TENM2: variants seen among roughly 807,000 people sequenced by gnomAD.
TENM2 encodes the protein teneurin-2.
Under a neutral mutation model 245.2 loss-of-function variants are expected in TENM2, and 52 were observed. The observed-to-expected ratio is 0.21, with a 90% CI of 0.17 to 0.27. The LOEUF (loss-of-function observed/expected upper bound fraction) is 0.27, where lower values mean the gene tolerates loss of function less well. Ranked by LOEUF, TENM2 falls within the 10% of genes least tolerant of loss-of-function variation. The pLI is 1.00. For synonymous variants in TENM2, 1,363 were observed against 1,438.9 expected, an observed-to-expected ratio of 0.95 and a Z score of 1.19; for missense variants, 3,046 against 3,666.8, an observed-to-expected ratio of 0.83 and a Z score of 4.37.
chr5:167,159,302 A>G, the TENM2 span, among the ~76,000 whole-genome samples: 2 of 152,036 alleles, frequency 1.3e-5, no homozygotes, highest in African/African-American at 2.4e-5. Flanking sequence ...TTTTATTTCC[A>G]TGCAATTTAT....
the TENM2 span, among the ~76,000 whole-genome samples, chr5:167,070,155 T>G: frequency 6.8e-6 from 1 of 146,170 alleles, no homozygotes; most frequent in Non-Finnish European, 1.5e-5. Flanking sequence ...TCTCACTCTG[T>G]CGCCCAGGCT....
At chr5:167,870,705 T>A (rs1005004982) in intron 2 of TENM2, among the ~76,000 whole-genome samples, 5 of 136,388 alleles carry the variant, frequency 3.7e-5, no homozygotes, top group Middle Eastern at 3.8e-3. Context: ...TAAAGCAAGA[T>A]CTATATATAT....
intron 5 of TENM2, among the ~76,000 whole-genome samples, chr5:168,027,512 G>A (rs543153384): frequency 1.3e-5 from 2 of 152,310 alleles, no homozygotes; most frequent in African/African-American, 4.8e-5. Context: ...ACTGCCTTTT[G>A]TGTATCCCAA....
chr5:167,151,168 T>C, the TENM2 span, among the ~76,000 whole-genome samples: 1 of 152,208 alleles, frequency 6.6e-6, no homozygotes, highest in Admixed American at 6.5e-5. Flanking sequence ...GACAGACTAA[T>C]AAAGGGGATC....
intron 2 of TENM2, among the ~76,000 whole-genome samples, chr5:167,407,702 A>G (rs1762709039): frequency 6.6e-6 from 1 of 152,118 alleles, no homozygotes; most frequent in Non-Finnish European, 1.5e-5. Flanking sequence ...CTGTAATCTC[A>G]GCTACTCTGG....
intron 5 of TENM2, among the ~76,000 whole-genome samples, chr5:168,019,389 G>A (rs990215498): frequency 6.6e-6 from 1 of 152,162 alleles, no homozygotes; most frequent in Non-Finnish European, 1.5e-5. Flanking sequence ...AGCCAAGGAG[G>A]CCATTCCAAA....
At chr5:167,105,116 G>A in the TENM2 span, among the ~76,000 whole-genome samples, 3 of 152,102 alleles carry the variant, frequency 2.0e-5, no homozygotes, top group Non-Finnish European at 4.4e-5. Context: ...TAGATAAAAT[G>A]CATTTAATTA....
At chr5:167,346,918 G>A (rs1289967589) in intron 1 of TENM2, among the ~76,000 whole-genome samples, 1 of 152,176 alleles carries the variant, frequency 6.6e-6, no homozygotes, top group South Asian at 2.1e-4. Flanking sequence ...GGAACTACAG[G>A]TGTACGCCTC....
chr5:168,196,133 G>A (rs919164976), intron 15 of TENM2, among the ~76,000 whole-genome samples: 1 of 152,094 alleles, frequency 6.6e-6, no homozygotes, highest in Non-Finnish European at 1.5e-5. Flanking sequence ...GAAAATCTTG[G>A]ATGTATCACA....
chr5:167,265,331 CAAA>C, the TENM2 span, among the ~76,000 whole-genome samples: 1 of 39,394 alleles, frequency 2.5e-5, no homozygotes, highest in Non-Finnish European at 5.4e-5. Context: ...GACTCTGTCT[CAAA>C]AAAAAAAAAA....
At chr5:167,773,295 A>G (rs1320547054) in intron 2 of TENM2, among the ~76,000 whole-genome samples, 1 of 152,246 alleles carries the variant, frequency 6.6e-6, no homozygotes, top group Non-Finnish European at 1.5e-5. Context: ...AGTAAATCAG[A>G]TGCAAACATC....
At chr5:168,025,704 G>A (rs1786554707) in intron 5 of TENM2, among the ~76,000 whole-genome samples, 1 of 152,168 alleles carries the variant, frequency 6.6e-6, no homozygotes, top group Non-Finnish European at 1.5e-5. Flanking sequence ...AGAGGAGCAG[G>A]TGTCCTGTGG....
chr5:167,454,834 A>C (rs13169252), intron 2 of TENM2, among the ~76,000 whole-genome samples: 21,375 of 152,178 alleles, frequency 0.14, 1,650 homozygotes, highest in East Asian at 0.28. Context: ...CACTATGGCT[A>C]TGATGATCCA....
At chr5:167,847,163 A>G (rs371951150) in intron 2 of TENM2, among the ~76,000 whole-genome samples, 1 of 152,174 alleles carries the variant, frequency 6.6e-6, no homozygotes, top group Admixed American at 6.5e-5. Flanking sequence ...ATGTTGCCCA[A>G]GTTGATCTTG....
chr5:167,805,332 G>T (rs1342181373), intron 2 of TENM2, among the ~76,000 whole-genome samples: 2 of 152,130 alleles, frequency 1.3e-5, no homozygotes, highest in Admixed American at 1.3e-4. Flanking sequence ...ATAGGTATTG[G>T]CTCTCCTGAG....
intron 2 of TENM2, among the ~76,000 whole-genome samples, chr5:167,662,033 A>G (rs765439511): frequency 1.4e-4 from 22 of 152,210 alleles, no homozygotes; most frequent in Non-Finnish European, 2.9e-4. Flanking sequence ...AGATGTTTCT[A>G]TCTATGGAGT....
At chr5:167,213,750 T>C in the TENM2 span, among the ~76,000 whole-genome samples, 1 of 152,302 alleles carries the variant, frequency 6.6e-6, no homozygotes, top group Non-Finnish European at 1.5e-5. Flanking sequence ...AAATTAAAAG[T>C]GTATATAAAA....
At chr5:167,124,282 T>C in the TENM2 span, among the ~76,000 whole-genome samples, 1 of 152,226 alleles carries the variant, frequency 6.6e-6, no homozygotes, top group Non-Finnish European at 1.5e-5. Flanking sequence ...AAGGAGATTT[T>C]TTCAATGTAT....
At chr5:168,099,237 C>A (rs1793614375) in intron 9 of TENM2, among the ~76,000 whole-genome samples, 1 of 151,968 alleles carries the variant, frequency 6.6e-6, no homozygotes, top group Non-Finnish European at 1.5e-5. Context: ...CAGTTATTAC[C>A]CATTACACTG....
Sources: gnomAD v4.1 joint callset for allele counts (sites outside exome capture counted in the v4.1 genomes callset) on GRCh38, gnomAD v4.1.1 for gene constraint, MANE v1.5 for transcripts, NCBI Gene and HGNC (gene_info 2026-07-23, HGNC 2026-07-21) for gene names.